VAX2: variants seen among roughly 807,000 people sequenced by gnomAD.
VAX2 encodes ventral anterior homeobox 2.
VAX2 carries 8 observed loss-of-function variants against 12.5 expected under a neutral mutation model. The observed-to-expected ratio is 0.64, with a 90% CI of 0.37 to 1.15. The LOEUF (loss-of-function observed/expected upper bound fraction) is 1.15, where lower values mean the gene tolerates loss of function less well. Among genes scored for constraint, VAX2 ranks in the 50% most tolerant of loss-of-function variants. VAX2 has a pLI of 0.01. For synonymous variants in VAX2, 183 were observed against 187.6 expected (o/e 0.98, Z 0.20); for missense variants, 476 against 412.9 (o/e 1.15, Z -1.32).
intron 1 of VAX2, among the ~76,000 whole-genome samples, chr2:70,909,588 T>G (rs1553410988): frequency 6.6e-6 from 1 of 152,192 alleles, no homozygotes; most frequent in Non-Finnish European, 1.5e-5. Flanking sequence ...AAACTTTACC[T>G]AGTAATTGAA....
chr2:70,909,584 TA>T (rs137886451), intron 1 of VAX2, among the ~76,000 whole-genome samples: 3,079 of 152,318 alleles, frequency 0.02, 47 homozygotes, highest in Admixed American at 0.05. Context: ...TTCCAAACTT[TA>T]CCTAGTAATT....
chr2:70,900,728 C>T lies in VAX2; in HGVS notation c.107C>T (p.Ala36Val). 7.1e-7 allele frequency: 1 copy of T among 1,417,192 alleles called. No homozygotes were observed. Among genetic ancestry groups the T allele is most frequent in the Admixed American group, 2.7e-5 (1 of 37,248 alleles). The allele number at this position is 1,417,192 out of a possible 1,614,324, so 87.8% of individuals were successfully genotyped here. The change falls in exon 1 of 3, where the codon GCT becomes GTT. Residue 36 changes from alanine (A) to valine (V), a missense_variant. By Grantham distance (64) the Ala-to-Val change is moderately conservative. Transcript: ENST00000234392. ...CGCAGCGGAGCGGGGGACTTGCGAG[C>T]TGATGGCGGTGGCCACAGCCCAACG... ...GDRSGAGDLR[A>V]DGGGHSPTEV...
intron 1 of VAX2, among the ~76,000 whole-genome samples, chr2:70,918,441 C>T (rs1679354680): frequency 6.6e-6 from 1 of 152,166 alleles, no homozygotes; most frequent in Non-Finnish European, 1.5e-5. Context: ...TAGGTCCCAC[C>T]GTCCCTGTGG....
At chr2:70,922,290 G>T (rs1679476847) in intron 2 of VAX2, among the ~76,000 whole-genome samples, 1 of 152,226 alleles carries the variant, frequency 6.6e-6, no homozygotes, top group South Asian at 2.1e-4. Context: ...TGGAGAGGAA[G>T]GGAGGAGGGG....
At chr2:70,932,169 C>T (rs529244552) in intron 2 of VAX2, among the ~76,000 whole-genome samples, 3 of 152,262 alleles carry the variant, frequency 2.0e-5, no homozygotes, top group African/African-American at 7.2e-5. Context: ...TTCTAGGCAG[C>T]TGGGAGACAG....
rs1679446175 is a variant in VAX2, at chr2:70,921,086, T to C, written c.248-12T>C. On this transcript the variant is annotated splice_polypyrimidine_tract_variant and intron_variant, in intron 1 of 2. Coordinates refer to ENST00000234392, the MANE Select transcript of VAX2 (RefSeq NM_012476.3). ...TAATGAACTAAGCTGGCTCCTTTCATGGCCTCTGCAGATGCCAAAGGGACA... is the reference window on the plus strand; with the variant it reads ...TAATGAACTAAGCTGGCTCCTTTCACGGCCTCTGCAGATGCCAAAGGGACA... 5.7e-6 allele frequency: 9 copies of C among 1,566,762 alleles called. No homozygotes were observed. In the East Asian group the frequency reaches 1.9e-4, roughly 32 times the overall value.
chr2:70,912,535 G>C (rs923245394), intron 1 of VAX2, among the ~76,000 whole-genome samples: 1 of 152,190 alleles, frequency 6.6e-6, no homozygotes, highest in East Asian at 1.9e-4. Flanking sequence ...GGTGGTGGGC[G>C]CCTGTAATCC....
chr2:70,905,299 T>C (rs1679027695), intron 1 of VAX2, among the ~76,000 whole-genome samples: 1 of 152,176 alleles, frequency 6.6e-6, no homozygotes, highest in African/African-American at 2.4e-5. Flanking sequence ...TTGTTTTATT[T>C]TTTGGTTTTA....
At chr2:70,909,272 C>G (rs371735601) in intron 1 of VAX2, among the ~76,000 whole-genome samples, 2 of 152,044 alleles carry the variant, frequency 1.3e-5, no homozygotes, top group African/African-American at 4.8e-5. Flanking sequence ...CTCAAGCAGT[C>G]CCCCCACCTC....
intron 1 of VAX2, among the ~76,000 whole-genome samples, chr2:70,919,202 T>G (rs1316829002): frequency 7.0e-6 from 1 of 142,430 alleles, no homozygotes; most frequent in African/African-American, 2.6e-5. Context: ...CCACTGCACT[T>G]CAGCCTAAGC....
intron 1 of VAX2, among the ~76,000 whole-genome samples, chr2:70,905,628 G>A (rs868920518): frequency 6.6e-6 from 1 of 152,154 alleles, no homozygotes; most frequent in Admixed American, 6.5e-5. Context: ...TTCCCCGCCT[G>A]GTCTGGTAGA....
intron 1 of VAX2, among the ~76,000 whole-genome samples, chr2:70,901,952 C>T (rs1279022104): frequency 2.0e-5 from 3 of 152,244 alleles, no homozygotes; most frequent in Non-Finnish European, 4.4e-5. Flanking sequence ...TGCCTCTTTC[C>T]AGCCTCTTCA....
intron 2 of VAX2, among the ~76,000 whole-genome samples, chr2:70,921,821 T>C (rs994748513): frequency 3.9e-5 from 6 of 152,142 alleles, no homozygotes; most frequent in Non-Finnish European, 4.4e-5. Context: ...AGGACTGGCA[T>C]TTTAACAGCA....
intron 2 of VAX2, among the ~76,000 whole-genome samples, chr2:70,921,956 A>G (rs554146810): frequency 1.3e-4 from 20 of 152,348 alleles, no homozygotes; most frequent in African/African-American, 4.8e-4. Context: ...ACTAATACTT[A>G]GTACTTACAT....
chr2:70,915,293 G>A (rs782211740), intron 1 of VAX2, among the ~76,000 whole-genome samples: 7 of 151,634 alleles, frequency 4.6e-5, no homozygotes, highest in Non-Finnish European at 8.8e-5. Flanking sequence ...TGTCTCCCAG[G>A]CTGGAGAGCA....
chr2:70,902,522 T>C (rs1222171452), intron 1 of VAX2, among the ~76,000 whole-genome samples: 1 of 152,164 alleles, frequency 6.6e-6, no homozygotes, highest in Non-Finnish European at 1.5e-5. Context: ...ATCCCACACA[T>C]TCCCAGGGGA....
At chr2:70,930,809 T>C (rs1301069927) in intron 2 of VAX2, among the ~76,000 whole-genome samples, 1 of 152,262 alleles carries the variant, frequency 6.6e-6, no homozygotes, top group Non-Finnish European at 1.5e-5. Context: ...TTCCAAAAGC[T>C]GGAAGGAACC....
At chr2:70,923,167 A>G (rs1679497327) in intron 2 of VAX2, among the ~76,000 whole-genome samples, 1 of 152,290 alleles carries the variant, frequency 6.6e-6, no homozygotes, top group African/African-American at 2.4e-5. Context: ...AGCTGGACAC[A>G]TAGTAGGCCC....
chr2:70,919,877 A>T (rs914498968), intron 1 of VAX2, among the ~76,000 whole-genome samples: 2 of 152,320 alleles, frequency 1.3e-5, no homozygotes, highest in East Asian at 1.9e-4. Context: ...AAACAAAATT[A>T]AATTTAATTA....
Sources: gnomAD v4.1 joint callset for allele counts (sites outside exome capture counted in the v4.1 genomes callset) on GRCh38, gnomAD v4.1.1 for gene constraint, MANE v1.5 for transcripts, NCBI Gene and HGNC (gene_info 2026-07-23, HGNC 2026-07-21) for gene names.